Variants in NUGGC observed in about 807,000 individuals in gnomAD.
NUGGC encodes the protein nuclear GTPase SLIP-GC.
Under a neutral mutation model 92.6 loss-of-function variants are expected in NUGGC, and 58 were observed. The ratio of observed to expected loss-of-function variants is 0.63; its 90% CI spans 0.51 to 0.78. The LOEUF is 0.78. Ranked by LOEUF, NUGGC falls within the 30% of genes least tolerant of loss-of-function variation. The pLI is 0.00. For synonymous variants in NUGGC, 376 were observed against 366.4 expected, an observed-to-expected ratio of 1.03 and a Z score of -0.30; for missense variants, 925 against 964.6, an observed-to-expected ratio of 0.96 and a Z score of 0.54.
At chr8:28,048,006 C>T (rs992674289) in intron 10 of NUGGC, among the ~76,000 whole-genome samples, 1 of 152,202 alleles carries the variant, frequency 6.6e-6, no homozygotes. Context: ...TGAAAGCCAA[C>T]AGCACACATC....
At chr8:28,072,884 C>T (rs1435868453) in intron 2 of NUGGC, among the ~76,000 whole-genome samples, 1 of 151,820 alleles carries the variant, frequency 6.6e-6, no homozygotes, top group Non-Finnish European at 1.5e-5. Flanking sequence ...GGGTGGATAG[C>T]GGCAGTCCAA....
Position 28,041,145 on chromosome 8 carries a change from A to G in NUGGC, c.1517T>C (p.Ile506Thr). 6.2e-7 allele frequency: 1 copy of G among 1,610,766 alleles called. No individual in the cohort carries two copies. Among genetic ancestry groups the G allele is most frequent in the Non-Finnish European group, 8.5e-7 (1 of 1,178,768 alleles). ...EEKVELLEKA[I>T]AQCFACMEQP... ...CTCCATGCAGGCGAAGCACTGTGCG[A>G]TGGCCTTCTCCAGCAGCTCAACCTT... The change falls in exon 13 of 19, where the codon ATC becomes ACC. Residue 506 changes from isoleucine (I) to threonine (T), a missense_variant. Ile to Thr is a moderately conservative substitution (Grantham distance 89). Transcript: ENST00000413272.
At chr8:28,047,771 T>G (rs150259576) in intron 10 of NUGGC, among the ~76,000 whole-genome samples, 159 bp from the exon 11 acceptor site, 12 of 152,390 alleles carry the variant, frequency 7.9e-5, no homozygotes, top group African/African-American at 2.9e-4. Context: ...TGTCTGGTGT[T>G]GCCATCTGTC....
At chr8:28,025,456 C>A (rs183054117) in intron 18 of NUGGC, among the ~76,000 whole-genome samples, 3 of 152,198 alleles carry the variant, frequency 2.0e-5, no homozygotes, top group Admixed American at 6.5e-5. Context: ...TTATTCAGGG[C>A]TGGGATGCGG....
At chr8:28,039,732 A>T (rs1480425201) in intron 13 of NUGGC, among the ~76,000 whole-genome samples, 1 of 152,194 alleles carries the variant, frequency 6.6e-6, no homozygotes, top group Non-Finnish European at 1.5e-5. Context: ...CTACAACCAC[A>T]GACCATCCAT....
Position 28,067,721 on chromosome 8 carries a change from G to T in NUGGC, c.504C>A (p.Asn168Lys), listed in dbSNP as rs1476580284. The T allele has an allele frequency of 6.2e-7, 1 of 1,613,354 alleles. No homozygotes were observed. The highest frequency in any genetic ancestry group is 1.7e-4 in the Middle Eastern group (1 of 5,980). ...CCGTCCTATGCAGGAGTTTGGTCAG[G>T]TTCTTCAGCTCCTCCCTCCACTCCT... Reference protein sequence around the residue: ...SDQEWREELKNLTKLLHRTEE... With the variant: ...SDQEWREELKKLTKLLHRTEE... Residue 168 changes from asparagine to lysine, a missense_variant, in exon 6 of 19, where the codon AAC becomes AAA. Coordinates refer to ENST00000413272, the MANE Select transcript of NUGGC (RefSeq NM_001010906.2).
intron 6 of NUGGC, 36 bp from the exon 7 acceptor site, chr8:28,064,767 T>G: frequency 6.4e-7 from 1 of 1,574,034 alleles, no homozygotes; most frequent in Non-Finnish European, 8.7e-7. Flanking sequence ...ACACCAGCCA[T>G]GCACCCAGCT....
intron 17 of NUGGC, among the ~76,000 whole-genome samples, chr8:28,028,796 T>C (rs1461859475): frequency 3.3e-5 from 5 of 152,164 alleles, no homozygotes; most frequent in Admixed American, 3.3e-4. Flanking sequence ...TGTATTGATA[T>C]TTACTTACTG....
intron 6 of NUGGC, among the ~76,000 whole-genome samples, chr8:28,067,089 T>G (rs1273628559): frequency 2.0e-5 from 3 of 152,098 alleles, no homozygotes; most frequent in Non-Finnish European, 4.4e-5. Context: ...CTCATGACAA[T>G]GGGGGCGACG....
rs774448150 is a variant in NUGGC at position 28,060,647 on chromosome 8, C to G, written c.922-46G>C. 1.9e-5 allele frequency: 30 copies of G among 1,567,554 alleles called. No homozygotes were observed. The Admixed American group carries it at 5.5e-4, about 29-fold the overall frequency. On this transcript the variant is annotated intron_variant, in intron 7 of 18. Coordinates refer to ENST00000413272, the MANE Select transcript of NUGGC (RefSeq NM_001010906.2). ...ATGTGTCAGCACAGGAATGGAGTCACAGTTCCTGAGGACCGGTTCCCTAAT... is the reference window on the plus strand; with the variant it reads ...ATGTGTCAGCACAGGAATGGAGTCAGAGTTCCTGAGGACCGGTTCCCTAAT...
intron 10 of NUGGC, among the ~76,000 whole-genome samples, chr8:28,048,425 T>G (rs1021287990): frequency 6.9e-6 from 1 of 144,346 alleles, no homozygotes; most frequent in African/African-American, 2.6e-5. Context: ...TTGTTTGTTT[T>G]GGGGGATTTT....
intron 2 of NUGGC, among the ~76,000 whole-genome samples, chr8:28,071,356 C>T (rs899516404): frequency 5.9e-5 from 9 of 152,124 alleles, no homozygotes; most frequent in Non-Finnish European, 1.2e-4. Flanking sequence ...AAAACAGGGG[C>T]CAGGTGACCA....
At chr8:28,027,717 A>T (rs1187407561) in intron 17 of NUGGC, among the ~76,000 whole-genome samples, 2 of 152,140 alleles carry the variant, frequency 1.3e-5, no homozygotes, top group Non-Finnish European at 2.9e-5. Context: ...CTAAGCATAC[A>T]TCTCAGCTCT....
chr8:28,032,324 C>T (rs1269665051), intron 14 of NUGGC, among the ~76,000 whole-genome samples: 1 of 152,110 alleles, frequency 6.6e-6, no homozygotes, highest in Non-Finnish European at 1.5e-5. Flanking sequence ...GTTCAAGCAG[C>T]CACCAATGGG....
intron 5 of NUGGC, 25 bp from the exon 6 acceptor site, chr8:28,067,769 C>T (rs757432160): frequency 6.4e-7 from 1 of 1,559,252 alleles, no homozygotes; most frequent in African/African-American, 1.4e-5. Context: ...TAGGGCCAAG[C>T]CCCTCTTGAC....
Position 28,060,562 on chromosome 8 carries a change from T to C in NUGGC, c.961A>G (p.Ile321Val), listed in dbSNP as rs146344582. ...KCSVIWVISDIERVSGGQAHE... is the reference protein window; with the variant it reads ...KCSVIWVISDVERVSGGQAHE... Reference sequence around the variant, plus strand: ...GCTTGCCCCCCAGAAACTCGCTCTATGTCGCTGATCACCCAGATCACTGAG... The same window carrying C: ...GCTTGCCCCCCAGAAACTCGCTCTACGTCGCTGATCACCCAGATCACTGAG... The change falls in exon 8 of 19, where the codon ATA becomes GTA. Residue 321 changes from isoleucine (I) to valine (V), a missense_variant. By Grantham distance (29) the Ile-to-Val change is conservative. Coordinates refer to ENST00000413272, the MANE Select transcript of NUGGC (RefSeq NM_001010906.2). The C allele has an allele frequency of 8.5e-4, 1,373 of 1,613,512 alleles. 13 individuals carry two copies. The African/African-American group carries it at 0.017, about 20-fold the overall frequency.
chr8:28,057,756 T>G (rs187694021), intron 9 of NUGGC, among the ~76,000 whole-genome samples: 3 of 152,284 alleles, frequency 2.0e-5, no homozygotes, highest in Admixed American at 2.0e-4. Flanking sequence ...AGACTGCCAA[T>G]CAACAGTGGC....
chr8:28,042,004 T>G (rs973433860), intron 12 of NUGGC, among the ~76,000 whole-genome samples: 3 of 152,158 alleles, frequency 2.0e-5, no homozygotes, highest in Non-Finnish European at 4.4e-5. Flanking sequence ...GGATTGGCTT[T>G]CCCCATACTG....
intron 7 of NUGGC, among the ~76,000 whole-genome samples, chr8:28,062,850 G>A (rs1810339918): frequency 1.3e-5 from 2 of 152,174 alleles, no homozygotes; most frequent in South Asian, 2.1e-4. Flanking sequence ...ATTTCAGACC[G>A]ACCCCACACA....
Sources: gnomAD v4.1 joint callset for allele counts (sites outside exome capture counted in the v4.1 genomes callset) on GRCh38, gnomAD v4.1.1 for gene constraint, MANE v1.5 for transcripts, NCBI Gene and HGNC (gene_info 2026-07-23, HGNC 2026-07-21) for gene names.